CAMK2D: variants seen among roughly 807,000 people sequenced by gnomAD.
CAMK2D encodes the protein calcium/calmodulin-dependent protein kinase type II subunit delta.
A neutral mutation model predicts 84.0 loss-of-function variants in CAMK2D; 37 were observed. That is an observed-to-expected ratio of 0.44 (90% CI 0.34 to 0.58). The LOEUF is 0.58. CAMK2D is among the 20% of genes least tolerant of loss of function. The pLI, the probability that CAMK2D is intolerant of heterozygous loss-of-function variation, is 0.02. For missense variants in CAMK2D, 448 were observed against 652.5 expected (o/e 0.69, Z 3.41); for synonymous variants, 202 against 212.5 (o/e 0.95, Z 0.43).
chr4:113,729,799 GC>G (rs1467892950), intron 2 of CAMK2D, among the ~76,000 whole-genome samples: 1 of 152,116 alleles, frequency 6.6e-6, no homozygotes, highest in African/African-American at 2.4e-5. Context: ...TATAAAAGAA[GC>G]CCCAGAGAAC....
chr4:113,477,745 C>CAA (rs34393843), intron 16 of CAMK2D, among the ~76,000 whole-genome samples: 8,248 of 116,960 alleles, frequency 0.071, 510 homozygotes, highest in East Asian at 0.23. Context: ...GACTCTGTCT[C>CAA]AAAAAAAAAA....
chr4:113,624,283 C>T (rs975277945), intron 3 of CAMK2D, among the ~76,000 whole-genome samples: 1 of 152,030 alleles, frequency 6.6e-6, no homozygotes, highest in South Asian at 2.1e-4. Flanking sequence ...CCAAGATGTA[C>T]CATGGAAAGA....
At chr4:113,506,818 A>G (rs1378977568) in intron 13 of CAMK2D, among the ~76,000 whole-genome samples, 1 of 152,152 alleles carries the variant, frequency 6.6e-6, no homozygotes, top group African/African-American at 2.4e-5. Context: ...GTTGCCAAGA[A>G]CTGCTTTATT....
intron 4 of CAMK2D, among the ~76,000 whole-genome samples, chr4:113,552,882 C>T (rs988548566): frequency 6.6e-6 from 1 of 152,102 alleles, no homozygotes; most frequent in African/African-American, 2.4e-5. Flanking sequence ...TGTGAAGGTG[C>T]TCACAGACCC....
rs765081162 is a variant in CAMK2D, at chr4:113,718,242, A to C, written c.160+41078T>G. 4.6e-5 allele frequency among the ~76,000 whole-genome samples: 7 copies of C among 152,242 alleles called. No individual in the cohort carries two copies. The South Asian group carries it at 1.5e-3, about 32-fold the overall frequency. On this transcript the variant is annotated intron_variant, in intron 2 of 20. Transcript: ENST00000511664. ...AGACCAGAGTTTTATTATTACTCAA[A>C]TCAGTCTTCCCCAAAACTTGGGGAT...
chr4:113,501,576 C>A (rs943459240), intron 15 of CAMK2D, among the ~76,000 whole-genome samples: 2 of 151,746 alleles, frequency 1.3e-5, no homozygotes, highest in Non-Finnish European at 2.9e-5. Context: ...ATATTTAAAC[C>A]AAGGGAAAAA....
intron 6 of CAMK2D, among the ~76,000 whole-genome samples, chr4:113,543,819 T>A (rs1012146239): frequency 6.6e-6 from 1 of 151,154 alleles, no homozygotes; most frequent in Admixed American, 6.6e-5. Context: ...TGAGACAGAG[T>A]CTCGCTCTGT....
intron 2 of CAMK2D, among the ~76,000 whole-genome samples, chr4:113,745,098 T>A (rs1487434975): frequency 1.3e-5 from 2 of 152,212 alleles, no homozygotes; most frequent in Admixed American, 6.5e-5. Flanking sequence ...TCGTATTCAT[T>A]CACTGCTACC....
chr4:113,761,664 G>C lies in CAMK2D; in HGVS notation c.-596C>G. 6 of 984,966 alleles carry C rather than the reference G, an allele frequency of 6.1e-6. No individual in the cohort carries two copies. Among genetic ancestry groups the C allele is most frequent in the Non-Finnish European group, 6.0e-6 (5 of 829,660 alleles). The allele number at this position is 984,966 out of a possible 1,614,324, so 61.0% of individuals were successfully genotyped here. The stretch of plus-strand genomic sequence containing the variant: ...CCTCCGGCGGGCGGCAGCGGCTCCG[G>C]CGAAGCGAGGCACCTTGGCGGCCTC... On this transcript the variant is annotated 5_prime_UTR_variant, in exon 1 of 21. Transcript: ENST00000511664.
intron 8 of CAMK2D, 57 bp from the exon 9 acceptor site, chr4:113,517,714 A>C: frequency 2.5e-6 from 2 of 801,420 alleles, no homozygotes; most frequent in Non-Finnish European, 4.3e-6. Context: ...AGTAAATTAA[A>C]TGTGGCTGAT....
In CAMK2D at chr4:113,697,714, C is replaced by T. The variant is rs115573783; in HGVS notation, c.161-35942G>A. On this transcript the variant is annotated intron_variant, in intron 2 of 20. Transcript: ENST00000511664. ...CTCATATAATACCTGTTTTAAGATACCTAAAAAAAATTCCAAAGCATAGAT... is the reference window on the plus strand; with the variant it reads ...CTCATATAATACCTGTTTTAAGATATCTAAAAAAAATTCCAAAGCATAGAT... 6.9e-3 allele frequency among the ~76,000 whole-genome samples: 1,048 copies of T among 151,960 alleles called. 17 individuals are homozygous for T. Among genetic ancestry groups the T allele is most frequent in the African/African-American group, 0.024 (977 of 41,446 alleles).
intron 12 of CAMK2D, 197 bp downstream of exon 12, chr4:113,513,131 G>A (rs2098239198): frequency 7.1e-6 from 7 of 980,890 alleles, no homozygotes; most frequent in African/African-American, 3.5e-5. Context: ...CAGTCACGGA[G>A]GCTCGGCAGC....
At chr4:113,508,377 T>A in intron 13 of CAMK2D, 1 of 764,988 alleles carries the variant, frequency 1.3e-6, no homozygotes, top group East Asian at 2.7e-5. Flanking sequence ...AGAGGAGCTA[T>A]AAGTTGAATG....
intron 3 of CAMK2D, among the ~76,000 whole-genome samples, chr4:113,633,975 T>C (rs1281978198): frequency 2.0e-5 from 3 of 152,228 alleles, no homozygotes; most frequent in Non-Finnish European, 2.9e-5. Flanking sequence ...ATTGTGCATG[T>C]TTTATTAAAA....
intron 2 of CAMK2D, among the ~76,000 whole-genome samples, chr4:113,758,035 A>G (rs1230137724): frequency 6.6e-6 from 1 of 152,218 alleles, no homozygotes; most frequent in Admixed American, 6.5e-5. Context: ...ACAGAAGAAA[A>G]TAAGAGAAGC....
At chr4:113,585,846 A>G (rs2214392) in intron 4 of CAMK2D, among the ~76,000 whole-genome samples, 106,668 of 151,942 alleles carry the variant, frequency 0.7, 37,636 homozygotes, top group Middle Eastern at 0.75. Flanking sequence ...TAAGTATTGC[A>G]TCCAGTATTA....
chr4:113,635,427 A>T (rs1385006451), intron 3 of CAMK2D, among the ~76,000 whole-genome samples: 1 of 152,236 alleles, frequency 6.6e-6, no homozygotes, highest in Non-Finnish European at 1.5e-5. Context: ...TCCTTTATAT[A>T]TAGAATTTCT....
intron 2 of CAMK2D, among the ~76,000 whole-genome samples, chr4:113,691,815 C>T (rs967985735): frequency 1.3e-5 from 2 of 152,056 alleles, no homozygotes; most frequent in African/African-American, 2.4e-5. Flanking sequence ...GGAAATCCCA[C>T]CAAATACATT....
intron 2 of CAMK2D, among the ~76,000 whole-genome samples, chr4:113,703,279 C>T (rs1011882476): frequency 7.9e-5 from 12 of 151,986 alleles, no homozygotes; most frequent in Non-Finnish European, 1.8e-4. Flanking sequence ...AGAGAAAATG[C>T]TACAGTAAAA....
Sources: gnomAD v4.1 joint callset for allele counts (sites outside exome capture counted in the v4.1 genomes callset) on GRCh38, gnomAD v4.1.1 for gene constraint, MANE v1.5 for transcripts, NCBI Gene and HGNC (gene_info 2026-07-23, HGNC 2026-07-21) for gene names.